CIAO3: variants seen among roughly 807,000 people sequenced by gnomAD.
CIAO3 encodes cytosolic iron-sulfur assembly component 3.
CIAO3 carries 45 observed loss-of-function variants against 51.5 expected under a neutral mutation model. The observed-to-expected ratio is 0.87, with a 90% CI of 0.69 to 1.12. The LOEUF is 1.12. Ranked by LOEUF, CIAO3 falls within the 50% of genes most tolerant of loss-of-function variation. The probability of loss-of-function intolerance (pLI) is 0.00; values close to 1 mark genes in which losing one functional copy is unlikely to be tolerated. For synonymous variants in CIAO3, 314 were observed against 269.3 expected (o/e 1.17, Z -1.63); for missense variants, 668 against 632.5 (o/e 1.06, Z -0.60).
At chr16:732,464 T>C (rs962560347) in intron 7 of CIAO3, 91 bp from the exon 8 acceptor site, 4 of 1,470,724 alleles carry the variant, frequency 2.7e-6, no homozygotes, top group Non-Finnish European at 3.8e-6. Context: ...CCCAGCAGTC[T>C]GCACTTTGGC....
chr16:736,204 T>C, intron 4 of CIAO3, 62 bp downstream of exon 4: 1 of 1,603,112 alleles, frequency 6.2e-7, no homozygotes, highest in Non-Finnish European at 8.5e-7. Flanking sequence ...GCGAGGGGCC[T>C]GGGCTTACTC....
At chr16:740,302 G>A (rs2041378373) in intron 1 of CIAO3, 1 of 356,606 alleles carries the variant, frequency 2.8e-6, no homozygotes, top group East Asian at 7.4e-5. Context: ...ACCCAGAAAA[G>A]GGCGCCTGCA....
intron 7 of CIAO3, chr16:732,783 C>T (rs573532715): frequency 2.4e-4 from 81 of 342,032 alleles, no homozygotes; most frequent in South Asian, 1.9e-3. Flanking sequence ...ATTACAGGAG[C>T]ACCACCACTA....
chr16:731,942 C>T (rs1374042934), intron 8 of CIAO3: 7 of 562,530 alleles, frequency 1.2e-5, no homozygotes, highest in African/African-American at 1.9e-5. Context: ...GATCTTGGCT[C>T]ACTGCAAGCT....
At chr16:734,090 G>A in intron 6 of CIAO3, 139 bp downstream of exon 6, 2 of 759,880 alleles carry the variant, frequency 2.6e-6, no homozygotes, top group Non-Finnish European at 4.6e-6. Context: ...AACCAGGAGG[G>A]AACAAGGGTG....
intron 3 of CIAO3, 67 bp from the exon 4 acceptor site, chr16:736,465 G>T (rs914713854): frequency 6.3e-7 from 1 of 1,595,102 alleles, no homozygotes; most frequent in Middle Eastern, 1.7e-4. Context: ...GGCCAGAGCC[G>T]CACGGTGAGA....
rs367719445 is a variant in CIAO3 at position 740,193 on chromosome 16, C to A, written c.67-455G>T. On this transcript the variant is annotated intron_variant, in intron 1 of 10. Transcript: ENST00000251588. The stretch of plus-strand genomic sequence containing the variant: ...AGAACCCTGGCAGCCCAGAAAGCCG[C>A]CTCCCAGCTCATCCCTGCCGGAAGC... 6 of 1,060,274 alleles carry A rather than the reference C, an allele frequency of 5.7e-6. 1 individual carries two copies. In the East Asian group the frequency reaches 1.8e-4, roughly 31 times the overall value. 65.7% of individuals were successfully genotyped at this position (1,060,274 alleles called of 1,614,324 possible).
intron 6 of CIAO3, 125 bp from the exon 7 acceptor site, chr16:733,552 C>G: frequency 1.4e-5 from 20 of 1,430,846 alleles, no homozygotes; most frequent in Non-Finnish European, 1.8e-5. Context: ...ACTCCATTTC[C>G]CAGCAAGCCT....
intron 10 of CIAO3, 88 bp from the exon 11 acceptor site, chr16:730,743 CCT>C (rs1260505886): frequency 1.3e-6 from 2 of 1,580,156 alleles, no homozygotes; most frequent in Non-Finnish European, 1.7e-6. Flanking sequence ...GACCGGGCCC[CCT>C]CTGTGCCCCA....
At chr16:740,221 TC>T in intron 1 of CIAO3, 1 of 712,286 alleles carries the variant, frequency 1.4e-6, no homozygotes, top group Non-Finnish European at 2.1e-6. Context: ...CCGGAAGCGC[TC>T]CCAGCAGCCC....
chr16:730,560 C>T lies in CIAO3; in HGVS notation c.1288G>A (p.Glu430Lys). 1.2e-6 allele frequency: 2 copies of T among 1,610,982 alleles called. No homozygotes were observed. The highest frequency in any genetic ancestry group is 2.7e-5 in the African/African-American group (2 of 75,080). ...VERLYGMVRA[E>K]APEDAPGVQE... is the part of the protein sequence containing the mutation. ...ACCCCAGGCGCGTCCTCGGGCGCCT[C>T]AGCCCGGACCATGCCGTACAGTCTC... Residue 430 changes from glutamate (E) to lysine (K), a missense_variant, in exon 11 of 11, where the codon GAG becomes AAG. Coordinates refer to ENST00000251588, the MANE Select transcript of CIAO3 (RefSeq NM_022493.3).
chr16:739,302 C>T (rs2041369106), intron 2 of CIAO3: 3 of 229,232 alleles, frequency 1.3e-5, no homozygotes, highest in East Asian at 1.6e-4. Context: ...CTGTATCAAA[C>T]AAACAAACAA....
chr16:733,285 G>A lies in CIAO3; in HGVS notation c.823+13C>T, dbSNP rs200468918. 137 of 1,612,730 alleles carry A rather than the reference G, an allele frequency of 8.5e-5. 1 individual carries two copies. In the South Asian group the frequency reaches 1.2e-3, roughly 14 times the overall value. On this transcript the variant is annotated intron_variant, in intron 7 of 10. Coordinates refer to ENST00000251588, the MANE Select transcript of CIAO3 (RefSeq NM_022493.3). The stretch of plus-strand genomic sequence containing the variant: ...GAGGCTTGAGGGCTCAGGGCCGCAC[G>A]GCGTGACCGCACCTGTTGTGAGGAC...
At chr16:734,207 G>A (rs1382442790) in intron 6 of CIAO3, 22 bp downstream of exon 6, 1 of 1,602,614 alleles carries the variant, frequency 6.2e-7, no homozygotes, top group Non-Finnish European at 8.5e-7. Flanking sequence ...GCCTGAGTCT[G>A]GGGCTGGCCC....
rs779411511 is a variant in CIAO3 at position 740,909 on chromosome 16, G to A, written c.66+11C>T. ...GCGCAGCCTCGACCCCGCCCGCCCA[G>A]GCCGGCCCACCTGAGACGGCCCGAT... On this transcript the variant is annotated intron_variant, in intron 1 of 10. Coordinates refer to ENST00000251588, the MANE Select transcript of CIAO3 (RefSeq NM_022493.3). 5.2e-6 allele frequency: 8 copies of A among 1,529,492 alleles called. No homozygotes were observed. The South Asian group carries it at 6.0e-5, about 11-fold the overall frequency. The allele number at this position is 1,529,492 out of a possible 1,614,324, so 94.7% of individuals were successfully genotyped here.
chr16:731,688 GAGGCACCGCTGCA>G lies in CIAO3; in HGVS notation c.898_910del (p.Cys300LeufsTer41). The G allele has an allele frequency of 6.4e-7, 1 of 1,557,210 alleles. No individual in the cohort carries two copies. Among genetic ancestry groups the G allele is most frequent in the Non-Finnish European group, 8.7e-7 (1 of 1,153,068 alleles). On this transcript the variant is annotated frameshift_variant and splice_region_variant, in exon 9 of 11. Coordinates refer to ENST00000251588, the MANE Select transcript of CIAO3 (RefSeq NM_022493.3). LOFTEE classifies it high-confidence loss of function. ...CCGATGGCTGGTGGGCTCCTCTGCA[GAGGCACCGCTGCA>G]CCTGGCAAGGAGGGAGGGGCCTCAG...
chr16:734,612 C>G (rs778163660), intron 5 of CIAO3, 125 bp downstream of exon 5: 2 of 1,536,036 alleles, frequency 1.3e-6, no homozygotes, highest in African/African-American at 1.4e-5. Flanking sequence ...CATTTCCAAC[C>G]CGTCCCGCAA....
intron 2 of CIAO3, chr16:738,179 T>G: frequency 9.0e-6 from 9 of 997,642 alleles, no homozygotes; most frequent in Non-Finnish European, 1.1e-5. Flanking sequence ...CAACTGCCAC[T>G]GCACCGACAG....
chr16:731,761 C>G, intron 8 of CIAO3, 59 bp from the exon 9 acceptor site: 2 of 1,482,644 alleles, frequency 1.3e-6, no homozygotes, highest in Non-Finnish European at 1.8e-6. Flanking sequence ...ACCTCCCGAG[C>G]AGGGCCTCTG....
Sources: allele counts gnomAD v4.1 joint callset, GRCh38; gene constraint gnomAD v4.1.1; transcripts MANE v1.5; gene names NCBI Gene and HGNC (gene_info 2026-07-23, HGNC 2026-07-21).